Variants in SRGAP3 observed in about 807,000 individuals in gnomAD.
SRGAP3 encodes the protein SLIT-ROBO Rho GTPase-activating protein 3.
A neutral mutation model predicts 121.1 loss-of-function variants in SRGAP3; 39 were observed. The observed-to-expected ratio is 0.32, with a 90% confidence interval of 0.25 to 0.42. The LOEUF (loss-of-function observed/expected upper bound fraction) is 0.42, where lower values mean the gene tolerates loss of function less well. Among genes scored for constraint, SRGAP3 ranks in the 10% least tolerant of loss-of-function variants. The pLI, the probability that SRGAP3 is intolerant of heterozygous loss-of-function variation, is 1.00. For synonymous variants in SRGAP3, 601 were observed against 570.0 expected, an observed-to-expected ratio of 1.05 and a Z score of -0.77; for missense variants, 1,213 against 1,470.6, an observed-to-expected ratio of 0.82 and a Z score of 2.86.
chr3:9,021,982 G>T (rs1307050527), intron 14 of SRGAP3, among the ~76,000 whole-genome samples: 1 of 152,170 alleles, frequency 6.6e-6, no homozygotes, highest in Non-Finnish European at 1.5e-5. Context: ...ATGGAAGGGT[G>T]CTGAAGTGGG....
At chr3:8,995,252 G>A (rs932657448) in intron 18 of SRGAP3, among the ~76,000 whole-genome samples, 9 of 151,856 alleles carry the variant, frequency 5.9e-5, no homozygotes, top group Non-Finnish European at 1.3e-4. Context: ...CAGGAGGATC[G>A]CTTGAGTCCA....
intron 11 of SRGAP3, chr3:9,037,589 G>C (rs948659194): frequency 9.4e-6 from 2 of 212,750 alleles, no homozygotes; most frequent in African/African-American, 4.6e-5. Flanking sequence ...CTATGCACAT[G>C]CGTGTGCCCA....
At chr3:9,307,838 C>T (rs1021408285) in intron 3 of SRGAP3, among the ~76,000 whole-genome samples, 6 of 152,174 alleles carry the variant, frequency 3.9e-5, no homozygotes, top group African/African-American at 9.7e-5. Flanking sequence ...CAAATTTGCA[C>T]ATTCATAAAA....
At chr3:8,996,384 A>G (rs1942402003) in intron 18 of SRGAP3, among the ~76,000 whole-genome samples, 1 of 152,214 alleles carries the variant, frequency 6.6e-6, no homozygotes, top group Non-Finnish European at 1.5e-5. Context: ...CAACTGGCTC[A>G]AGAAGACCAT....
intron 1 of SRGAP3, among the ~76,000 whole-genome samples, chr3:9,203,181 C>T (rs984603025): frequency 2.4e-4 from 36 of 152,176 alleles, no homozygotes. Flanking sequence ...CTGGAGGGCA[C>T]CATATCCCAT....
intron 1 of SRGAP3, among the ~76,000 whole-genome samples, chr3:9,148,616 T>C (rs1011186445): frequency 1.3e-5 from 2 of 152,230 alleles, no homozygotes. Flanking sequence ...CCATTATTTA[T>C]TTGACCCCAC....
chr3:9,037,875 T>G, intron 11 of SRGAP3, 188 bp downstream of exon 11: 1 of 740,812 alleles, frequency 1.3e-6, no homozygotes, highest in East Asian at 2.7e-5. Context: ...GGGCGTGGCT[T>G]TGTCAGTCTA....
chr3:9,195,081 C>T (rs568396534), intron 1 of SRGAP3, among the ~76,000 whole-genome samples: 1 of 152,348 alleles, frequency 6.6e-6, no homozygotes, highest in East Asian at 1.9e-4. Flanking sequence ...ATGGCCGACT[C>T]CAAGCTCCCA....
At chr3:9,117,186 A>C (rs957942703) in intron 2 of SRGAP3, among the ~76,000 whole-genome samples, 1 of 152,248 alleles carries the variant, frequency 6.6e-6, no homozygotes, top group African/African-American at 2.4e-5. Context: ...TCTCCATCTC[A>C]TTCTAAGCAA....
rs374253790 is a variant in SRGAP3 at position 9,356,191 on chromosome 3, TC to T, written n.214+6648del. 1.5e-3 allele frequency among the ~76,000 whole-genome samples: 201 copies of T among 134,038 alleles called. 6 individuals are homozygous for T. The highest frequency in any genetic ancestry group is 0.015 in the Middle Eastern group (4 of 268). 87.9% of individuals were successfully genotyped at this position (134,038 alleles called of 152,430 possible). A position where few individuals can be genotyped will look rare whatever the true frequency, so the allele number is the denominator to read the frequency against. The stretch of plus-strand genomic sequence containing the variant: ...GAGACCTGTTTATGGGACTTTTTTT[TC>T]TTTTTTTTTTTTTTTTTTTGAGACA... On this transcript the variant is annotated intron_variant and non_coding_transcript_variant, in intron 1 of 3. Coordinates refer to the SRGAP3 transcript ENST00000490889.
chr3:9,059,436 G>A (rs1281716073), intron 6 of SRGAP3: 1 of 152,322 alleles, frequency 6.6e-6, no homozygotes, highest in Non-Finnish European at 1.5e-5. Flanking sequence ...GCCCCCTCTG[G>A]AGCCACGGGA....
intron 1 of SRGAP3, among the ~76,000 whole-genome samples, chr3:9,356,768 A>G (rs1180480390): frequency 6.6e-6 from 1 of 151,840 alleles, no homozygotes; most frequent in Non-Finnish European, 1.5e-5. Flanking sequence ...TCGGCCTCCT[A>G]AAGTGCTGGG....
chr3:8,987,711 C>T (rs897726601), intron 21 of SRGAP3, among the ~76,000 whole-genome samples: 6 of 125,710 alleles, frequency 4.8e-5, no homozygotes, highest in African/African-American at 1.5e-4. Flanking sequence ...ATGTTTCATC[C>T]GTTGCCCCAG....
At position 9,022,114 on chromosome 3, in the gene SRGAP3, G is replaced by T. The variant is rs1943953872; in HGVS notation, c.1678+3147C>A. 3.3e-5 allele frequency among the ~76,000 whole-genome samples: 5 copies of T among 152,294 alleles called. No homozygotes were observed. The South Asian group carries it at 1.0e-3, about 32-fold the overall frequency. ...GAGGCTGAGGTGGGTGGATCACGAG[G>T]TCAGGAGATGGAGACCATCCTGGCC... On this transcript the variant is annotated intron_variant, in intron 14 of 21. Transcript: ENST00000383836.
Position 8,984,812 on chromosome 3 carries a change from G to C in SRGAP3, c.*707C>G, listed in dbSNP as rs954093588. Reference sequence around the variant, plus strand: ...GGTACTGCCTGCCCCACCCTTCCTTGAGGGGCAGACTGTTCTGGAAGGCCA... The same window carrying C: ...GGTACTGCCTGCCCCACCCTTCCTTCAGGGGCAGACTGTTCTGGAAGGCCA... On this transcript the variant is annotated 3_prime_UTR_variant, in exon 22 of 22. Coordinates refer to ENST00000383836, the MANE Select transcript of SRGAP3 (RefSeq NM_014850.4). 4 of 230,930 alleles carry C rather than the reference G, an allele frequency of 1.7e-5. No individual in the cohort carries two copies. Among genetic ancestry groups the C allele is most frequent in the East Asian group, 1.2e-4 (2 of 16,262 alleles). 14.3% of individuals were successfully genotyped at this position (230,930 alleles called of 1,614,324 possible).
intron 1 of SRGAP3, among the ~76,000 whole-genome samples, chr3:9,331,562 C>T (rs999222203): frequency 6.6e-6 from 1 of 152,240 alleles, no homozygotes; most frequent in Non-Finnish European, 1.5e-5. Context: ...TAACTAGCCA[C>T]ATGGTAGACT....
Position 9,058,437 on chromosome 3 carries a change from G to T in SRGAP3, c.837C>A (p.Arg279=). 1 of 1,614,136 alleles carries T rather than the reference G, an allele frequency of 6.2e-7. No homozygotes were observed. The highest frequency in any genetic ancestry group is 1.7e-5 in the Admixed American group (1 of 60,024). The part of the protein sequence containing the change: ...CDLGFHASLA[R]TFRTYLSAEY... ...CAGCTGAGAGATAGGTCCGGAAGGT[G>T]CGGGCCAGGCTGGCATGGAAGCCCA... Residue 279 remains arginine (R), a synonymous_variant, in exon 7 of 22, where the codon CGC becomes CGA. Coordinates refer to ENST00000383836, the MANE Select transcript of SRGAP3 (RefSeq NM_014850.4).
At chr3:9,246,565 A>G (rs1953831697) in intron 1 of SRGAP3, among the ~76,000 whole-genome samples, 1 of 152,130 alleles carries the variant, frequency 6.6e-6, no homozygotes, top group South Asian at 2.1e-4. Flanking sequence ...TTTAACATTA[A>G]CTGGGCCTCA....
intron 1 of SRGAP3, chr3:9,219,632 C>T (rs939632778): frequency 3.3e-5 from 5 of 152,118 alleles, no homozygotes; most frequent in Admixed American, 6.5e-5. Context: ...GGGTGGATCA[C>T]GGGGTCAGGA....
Sources: allele counts gnomAD v4.1 joint callset (sites outside exome capture counted in the v4.1 genomes callset), GRCh38; gene constraint gnomAD v4.1.1; transcripts MANE v1.5; gene names NCBI Gene and HGNC (gene_info 2026-07-23, HGNC 2026-07-21).